KAZN: variants seen among roughly 807,000 people sequenced by gnomAD.
KAZN encodes kazrin, periplakin interacting protein.
Under a neutral mutation model 87.4 loss-of-function variants are expected in KAZN, and 40 were observed. The ratio of observed to expected loss-of-function variants is 0.46; its 90% CI spans 0.36 to 0.60. The LOEUF (loss-of-function observed/expected upper bound fraction) is 0.60, where lower values mean the gene tolerates loss of function less well. KAZN is among the 20% of genes least tolerant of loss of function. The pLI is 0.00. For missense variants in KAZN, 898 were observed against 1,073.9 expected, an observed-to-expected ratio of 0.84 and a Z score of 2.29; for synonymous variants, 466 against 458.3, an observed-to-expected ratio of 1.02 and a Z score of -0.22.
At chr1:14,338,505 AG>A (rs60054670) in intron 2 of KAZN, among the ~76,000 whole-genome samples, 24,694 of 109,542 alleles carry the variant, frequency 0.23, 3,026 homozygotes, top group African/African-American at 0.41. Flanking sequence ...AAAAAAAAAA[AG>A]AGAGAGAGAG....
chr1:13,956,647 C>A (rs1388630775), intron 1 of KAZN, among the ~76,000 whole-genome samples: 1 of 152,184 alleles, frequency 6.6e-6, no homozygotes, highest in East Asian at 1.9e-4. Flanking sequence ...CTTTGGCTCT[C>A]GCAGGAAGTC....
In KAZN at chr1:14,387,951, C is replaced by CTAGCA. The variant is rs547551243; in HGVS notation, c.249+207360_249+207364dup. On this transcript the variant is annotated intron_variant, in intron 2 of 16. Transcript: ENST00000636203. The stretch of plus-strand genomic sequence containing the variant: ...TGCTGTTTGATCTCAGACTGCTGTG[C>CTAGCA]TAGCAATCAGCGAGACTCCGTGGGC... Among the ~76,000 whole-genome samples, 968 of 152,356 alleles carry CTAGCA rather than the reference C, an allele frequency of 6.4e-3. 11 individuals carry two copies. Among genetic ancestry groups the CTAGCA allele is most frequent in the South Asian group, 0.018 (85 of 4,828 alleles).
At position 14,181,504 on chromosome 1, in the gene KAZN, C is replaced by T. The variant is rs371626682; in HGVS notation, c.249+912C>T. On this transcript the variant is annotated intron_variant, in intron 2 of 16. Coordinates refer to the KAZN transcript ENST00000636203. ...TATTTTTAAAATCAATCCCGAAGCCCGGGTCTTGTACCAATACGGCTTTAA... is the reference window on the plus strand; with the variant it reads ...TATTTTTAAAATCAATCCCGAAGCCTGGGTCTTGTACCAATACGGCTTTAA... Among the ~76,000 whole-genome samples, 22 of 152,246 alleles carry T rather than the reference C, an allele frequency of 1.4e-4. No homozygotes were observed. The East Asian group carries it at 2.5e-3, about 17-fold the overall frequency.
At chr1:14,645,841 G>T (rs1680769131) in intron 1 of KAZN, among the ~76,000 whole-genome samples, 1 of 152,186 alleles carries the variant, frequency 6.6e-6, no homozygotes, top group South Asian at 2.1e-4. Context: ...CAAGGGGAAT[G>T]CTTCCAGCTT....
chr1:14,600,666 CAAAA>C (rs59840012), intron 1 of KAZN, among the ~76,000 whole-genome samples: 377 of 118,462 alleles, frequency 3.2e-3, no homozygotes, highest in African/African-American at 0.012. Flanking sequence ...GGAACCTGTG[CAAAA>C]AAAAAAAAAA....
chr1:15,011,812 T>G (rs1669597381), intron 2 of KAZN, among the ~76,000 whole-genome samples: 1 of 152,152 alleles, frequency 6.6e-6, no homozygotes, highest in Admixed American at 6.5e-5. Flanking sequence ...CACTGCGCAC[T>G]CAGGGTTGGG....
At chr1:14,893,353 G>GA (rs1654924180) in intron 1 of KAZN, among the ~76,000 whole-genome samples, 1 of 152,072 alleles carries the variant, frequency 6.6e-6, no homozygotes, top group Non-Finnish European at 1.5e-5. Context: ...GCAACAGAGC[G>GA]AGACTTTGTT....
At chr1:14,714,187 T>A (rs1475576297) in intron 1 of KAZN, among the ~76,000 whole-genome samples, 1 of 152,154 alleles carries the variant, frequency 6.6e-6, no homozygotes, top group Non-Finnish European at 1.5e-5. Flanking sequence ...TTCCATTTTG[T>A]TCCTGCCACC....
chr1:14,646,596 T>C (rs1486110564), intron 1 of KAZN, among the ~76,000 whole-genome samples: 3 of 152,120 alleles, frequency 2.0e-5, no homozygotes, highest in South Asian at 2.1e-4. Flanking sequence ...TTCTCTATTG[T>C]GGGGCTGTCC....
intron 2 of KAZN, among the ~76,000 whole-genome samples, chr1:14,185,721 C>T (rs114685228): frequency 6.5e-4 from 99 of 152,260 alleles, no homozygotes; most frequent in African/African-American, 2.3e-3. Flanking sequence ...GATGCAATCC[C>T]TTCAGTTACG....
At chr1:14,422,606 C>A (rs756818230) in intron 2 of KAZN, among the ~76,000 whole-genome samples, 2 of 152,192 alleles carry the variant, frequency 1.3e-5, no homozygotes, top group Non-Finnish European at 2.9e-5. Context: ...GTGCAGCTGC[C>A]CCCTGAAGGG....
intron 1 of KAZN, among the ~76,000 whole-genome samples, chr1:14,844,137 T>A (rs1108071): frequency 2.0e-5 from 3 of 151,984 alleles, no homozygotes; most frequent in Non-Finnish European, 2.9e-5. Flanking sequence ...TAGTCCAGAC[T>A]GAGCCTGCTT....
intron 2 of KAZN, among the ~76,000 whole-genome samples, chr1:14,588,008 C>A (rs1675963694): frequency 6.6e-6 from 1 of 152,136 alleles, no homozygotes; most frequent in African/African-American, 2.4e-5. Context: ...CACTGGCATC[C>A]CTGTGGCCTG....
intron 1 of KAZN, among the ~76,000 whole-genome samples, chr1:13,934,981 A>C (rs1471914696): frequency 6.6e-6 from 1 of 152,150 alleles, no homozygotes; most frequent in African/African-American, 2.4e-5. Context: ...TTACGCCTGT[A>C]ATCCCAGCAC....
intron 2 of KAZN, among the ~76,000 whole-genome samples, chr1:14,199,029 A>G (rs651682): frequency 0.65 from 97,801 of 151,488 alleles, 31,772 homozygotes; most frequent in African/African-American, 0.72. Flanking sequence ...ATAGTCTGGA[A>G]GCAGATGTGA....
At chr1:14,711,112 G>A (rs1417481149) in intron 1 of KAZN, among the ~76,000 whole-genome samples, 1 of 152,192 alleles carries the variant, frequency 6.6e-6, no homozygotes, top group East Asian at 1.9e-4. Flanking sequence ...AGGCTCACTT[G>A]AGCCCAGGAG....
intron 2 of KAZN, among the ~76,000 whole-genome samples, chr1:14,358,220 G>C (rs1330247045): frequency 6.6e-6 from 1 of 152,078 alleles, no homozygotes; most frequent in East Asian, 1.9e-4. Flanking sequence ...GGTGTTTATA[G>C]CATTCTCTGA....
chr1:14,477,443 T>TCC (rs1553177998), intron 2 of KAZN, among the ~76,000 whole-genome samples: 1 of 146,736 alleles, frequency 6.8e-6, no homozygotes, highest in East Asian at 2.0e-4. Flanking sequence ...TCTCTCTCTC[T>TCC]CCCCCTCTCT....
At chr1:14,003,833 A>T (rs572138782) in intron 1 of KAZN, among the ~76,000 whole-genome samples, 1 of 152,278 alleles carries the variant, frequency 6.6e-6, no homozygotes, top group South Asian at 2.1e-4. Flanking sequence ...TTTAAATGAG[A>T]TCCAGAAAGC....
Sources: gnomAD v4.1 joint callset for allele counts (sites outside exome capture counted in the v4.1 genomes callset) on GRCh38, gnomAD v4.1.1 for gene constraint, MANE v1.5 for transcripts, NCBI Gene and HGNC (gene_info 2026-07-23, HGNC 2026-07-21) for gene names.